IQCK: variants seen among roughly 807,000 people sequenced by gnomAD.
IQCK encodes the protein IQ motif containing K.
A neutral mutation model predicts 28.1 loss-of-function variants in IQCK; 29 were observed. The observed-to-expected ratio is 1.03, with a 90% CI of 0.77 to 1.41. The LOEUF is 1.41. IQCK is among the 40% of genes most tolerant of loss of function. The probability of loss-of-function intolerance (pLI) is 0.00; values close to 1 mark genes in which losing one functional copy is unlikely to be tolerated. For synonymous variants in IQCK, 113 were observed against 115.1 expected (o/e 0.98, Z 0.12); for missense variants, 359 against 314.7 (o/e 1.14, Z -1.07).
chr16:19,733,146 T>TA (rs1177138225), intron 2 of IQCK, among the ~76,000 whole-genome samples: 12 of 152,048 alleles, frequency 7.9e-5, no homozygotes, highest in Admixed American at 4.6e-4. Flanking sequence ...TTTATTTATT[T>TA]TTTTTTTTGA....
At chr16:19,781,276 C>T (rs9931167) in intron 6 of IQCK, among the ~76,000 whole-genome samples, 27,437 of 152,054 alleles carry the variant, frequency 0.18, 2,567 homozygotes, top group South Asian at 0.27. Flanking sequence ...ATGGTTATAT[C>T]TGAAACCCAC....
At chr16:19,827,054 T>C (rs752036888) in exon 8 of IQCK, 3 of 1,613,986 alleles carry the variant, frequency 1.9e-6, no homozygotes, top group Non-Finnish European at 2.5e-6. Flanking sequence ...ATTCAAGAAC[T>C]GCGTCAGTGG....
intron 4 of IQCK, among the ~76,000 whole-genome samples, chr16:19,756,120 G>T (rs1349569324): frequency 4.6e-5 from 7 of 152,186 alleles, no homozygotes; most frequent in Non-Finnish European, 8.8e-5. Flanking sequence ...GGAAGTTGAG[G>T]CTGCAGTGAG....
At chr16:19,730,389 G>A in intron 1 of IQCK, 41 bp from the exon 2 acceptor site, 1 of 1,439,754 alleles carries the variant, frequency 6.9e-7, no homozygotes, top group Non-Finnish European at 9.5e-7. Flanking sequence ...AGAAACTCTA[G>A]TGAAGTATGG....
intron 7 of IQCK, 28 bp from the exon 8 acceptor site, chr16:19,826,998 G>A (rs749041765): frequency 3.3e-5 from 48 of 1,464,898 alleles, no homozygotes; most frequent in Non-Finnish European, 4.2e-5. Context: ...TGTCGAAAAG[G>A]GACTAAAGTT....
chr16:19,748,649 G>A (rs2054945927), intron 4 of IQCK, among the ~76,000 whole-genome samples: 1 of 152,118 alleles, frequency 6.6e-6, no homozygotes, highest in South Asian at 2.1e-4. Flanking sequence ...TCTTCTGGTT[G>A]ACCAATTGTT....
intron 7 of IQCK, among the ~76,000 whole-genome samples, chr16:19,812,581 T>C (rs904579931): frequency 6.6e-6 from 1 of 152,096 alleles, no homozygotes; most frequent in Non-Finnish European, 1.5e-5. Context: ...ATCTGATCTT[T>C]TACAAAAAAA....
At chr16:19,784,372 A>C (rs943119838) in intron 6 of IQCK, among the ~76,000 whole-genome samples, 2 of 152,120 alleles carry the variant, frequency 1.3e-5, no homozygotes, top group Non-Finnish European at 2.9e-5. Flanking sequence ...GGAAATGCTC[A>C]ATGACCTTGA....
chr16:19,781,054 T>G (rs769491635), intron 6 of IQCK, among the ~76,000 whole-genome samples: 1 of 151,842 alleles, frequency 6.6e-6, no homozygotes, highest in Non-Finnish European at 1.5e-5. Context: ...GGTGGGGAGG[T>G]AGGTGGTCTG....
chr16:19,840,411 A>T (rs2056351613), intron 9 of IQCK, among the ~76,000 whole-genome samples: 1 of 152,182 alleles, frequency 6.6e-6, no homozygotes, highest in South Asian at 2.1e-4. Flanking sequence ...TAATCCCCAG[A>T]TGCTAATAGT....
At chr16:19,822,415 A>G (rs1020395277) in intron 7 of IQCK, among the ~76,000 whole-genome samples, 5 of 151,832 alleles carry the variant, frequency 3.3e-5, no homozygotes, top group Non-Finnish European at 7.4e-5. Context: ...AGCAAAACAA[A>G]TGTCCCATTA....
intron 7 of IQCK, among the ~76,000 whole-genome samples, chr16:19,808,152 C>T (rs925414502): frequency 2.6e-5 from 4 of 152,134 alleles, no homozygotes; most frequent in Admixed American, 1.3e-4. Context: ...CCAAAATAGG[C>T]CACAGCACTA....
intron 6 of IQCK, among the ~76,000 whole-genome samples, chr16:19,777,916 G>C (rs2055417284): frequency 4.6e-5 from 7 of 152,166 alleles, no homozygotes; most frequent in Admixed American, 4.6e-4. Flanking sequence ...AGCTGGGCGT[G>C]GTGGTGCACA....
At chr16:19,836,173 C>T (rs529631296) in intron 9 of IQCK, among the ~76,000 whole-genome samples, 1 of 152,190 alleles carries the variant, frequency 6.6e-6, no homozygotes, top group Non-Finnish European at 1.5e-5. Flanking sequence ...ATCTGTAAAT[C>T]TAAGGTGTCA....
At chr16:19,785,325 G>T (rs1023897520) in intron 6 of IQCK, among the ~76,000 whole-genome samples, 1 of 152,162 alleles carries the variant, frequency 6.6e-6, no homozygotes, top group Non-Finnish European at 1.5e-5. Flanking sequence ...GGGGTATACT[G>T]GAGGCAGAGG....
Position 19,822,968 on chromosome 16 carries a change from G to T in IQCK, c.691-4058G>T, listed in dbSNP as rs943709457. Among the ~76,000 whole-genome samples, 3 of 152,146 alleles carry T rather than the reference G, an allele frequency of 2.0e-5. No homozygotes were observed. The East Asian group carries it at 5.8e-4, about 29-fold the overall frequency. ...TGTAAAATTATTAAGAGAGTTGGAA[G>T]AGGTGGCCCCTCTATCAATAGGGGA... On this transcript the variant is annotated intron_variant, in intron 7 of 7. Coordinates refer to ENST00000564186, the Ensembl canonical transcript of IQCK.
chr16:19,748,330 C>T (rs1263725891), intron 4 of IQCK, among the ~76,000 whole-genome samples: 1 of 152,138 alleles, frequency 6.6e-6, no homozygotes, highest in Non-Finnish European at 1.5e-5. Flanking sequence ...CCACCTCTGC[C>T]TCCCAAAGTG....
chr16:19,840,342 C>T (rs756307248), intron 9 of IQCK, among the ~76,000 whole-genome samples: 2 of 151,852 alleles, frequency 1.3e-5, no homozygotes, highest in Non-Finnish European at 2.9e-5. Flanking sequence ...GGCGACAGAG[C>T]GAGACTCCGT....
At chr16:19,807,822 A>G in intron 7 of IQCK, among the ~76,000 whole-genome samples, 1 of 152,210 alleles carries the variant, frequency 6.6e-6, no homozygotes, top group Non-Finnish European at 1.5e-5. Flanking sequence ...GAAATGGTGC[A>G]GGTTGCACAG....
Sources: gnomAD v4.1 joint callset for allele counts (sites outside exome capture counted in the v4.1 genomes callset) on GRCh38, gnomAD v4.1.1 for gene constraint, MANE v1.5 for transcripts, NCBI Gene and HGNC (gene_info 2026-07-23, HGNC 2026-07-21) for gene names.